Variants in DENND1A observed in about 807,000 individuals in gnomAD.
The protein encoded by DENND1A is DENN domain-containing protein 1A.
In DENND1A, 51 loss-of-function variants were observed where a neutral mutation model predicts 113.7. The observed-to-expected ratio is 0.45, with a 90% confidence interval of 0.36 to 0.57. The LOEUF (loss-of-function observed/expected upper bound fraction) is 0.57, where lower values mean the gene tolerates loss of function less well. Ranked by LOEUF, DENND1A falls within the 20% of genes least tolerant of loss-of-function variation. DENND1A has a pLI of 0.00. For synonymous variants in DENND1A, 565 were observed against 570.8 expected, an observed-to-expected ratio of 0.99 and a Z score of 0.14; for missense variants, 1,258 against 1,395.9, an observed-to-expected ratio of 0.90 and a Z score of 1.57.
At position 123,382,505 on chromosome 9, in the gene DENND1A, G is replaced by T; in HGVS notation, c.2140C>A (p.Pro714Thr). The T allele has an allele frequency of 6.2e-7, 1 of 1,613,988 alleles. No individual in the cohort carries two copies. The highest frequency in any genetic ancestry group is 1.1e-5 in the South Asian group (1 of 91,086). ...QDDMAIPSKP[P>T]AASPEKPSAL... Reference sequence around the variant, plus strand: ...GAGGGCTTCTCAGGGGAGGCAGCTGGGGGCTTGCTGGGGATGGCCATGTCG... The same window carrying T: ...GAGGGCTTCTCAGGGGAGGCAGCTGTGGGCTTGCTGGGGATGGCCATGTCG... The change falls in exon 24 of 24, where the codon CCA (proline) becomes ACA (threonine). Residue 714 changes from proline (P) to threonine (T), a missense_variant. Physicochemically the swap from Pro to Thr is conservative, Grantham distance 38. Transcript: ENST00000394215.
intron 5 of DENND1A, among the ~76,000 whole-genome samples, chr9:123,689,913 C>T (rs555847163): frequency 2.0e-5 from 3 of 151,804 alleles, no homozygotes; most frequent in African/African-American, 7.3e-5. Flanking sequence ...GGCTTGAGTC[C>T]AAGAGTTGGA....
intron 1 of DENND1A, among the ~76,000 whole-genome samples, chr9:123,904,309 G>A (rs754652955): frequency 0.081 from 12,257 of 151,296 alleles, 1,028 homozygotes; most frequent in African/African-American, 0.22. Context: ...AACGCAGAGC[G>A]TCTCTCCTCC....
intron 13 of DENND1A, among the ~76,000 whole-genome samples, chr9:123,545,084 C>A (rs572612482): frequency 2.7e-5 from 4 of 149,816 alleles, no homozygotes; most frequent in African/African-American, 9.9e-5. Flanking sequence ...GGCGACAGAG[C>A]AAGACTCCGT....
chr9:123,546,251 T>C (rs2056669782), intron 13 of DENND1A, among the ~76,000 whole-genome samples: 1 of 152,042 alleles, frequency 6.6e-6, no homozygotes, highest in African/African-American at 2.4e-5. Context: ...GCTGATACGT[T>C]TTAAAACTAA....
At chr9:123,458,303 C>T (rs960684424) in intron 13 of DENND1A, among the ~76,000 whole-genome samples, 75 of 152,136 alleles carry the variant, frequency 4.9e-4, no homozygotes, top group African/African-American at 1.7e-3. Context: ...GCCTGGCCCC[C>T]ATCTGCTAAC....
At chr9:123,817,156 T>G in intron 2 of DENND1A, among the ~76,000 whole-genome samples, 1 of 152,114 alleles carries the variant, frequency 6.6e-6, no homozygotes, top group East Asian at 1.9e-4. Flanking sequence ...GCCTAGATGA[T>G]CTCCATGGTC....
At chr9:123,413,492 C>T in intron 19 of DENND1A, 1 of 985,428 alleles carries the variant, frequency 1.0e-6, no homozygotes, top group South Asian at 4.7e-5. Flanking sequence ...TTTTCTGAAC[C>T]TGCCCCACTA....
At chr9:123,581,979 G>C (rs540260519) in intron 12 of DENND1A, among the ~76,000 whole-genome samples, 1 of 152,230 alleles carries the variant, frequency 6.6e-6, no homozygotes, top group Non-Finnish European at 1.5e-5. Flanking sequence ...GCTCCAAGTA[G>C]CAACAGAAGA....
intron 5 of DENND1A, among the ~76,000 whole-genome samples, chr9:123,683,653 T>A (rs2064615909): frequency 6.6e-6 from 1 of 152,194 alleles, no homozygotes; most frequent in Non-Finnish European, 1.5e-5. Flanking sequence ...TATGAAGACC[T>A]CCTGGGCTTA....
rs569384028 is a variant in DENND1A, at chr9:123,719,664, A to G, written c.302+38039T>C. Reference sequence around the variant, plus strand: ...TTTTTTTTAATTTTGAAGTATTTGCATATATAGAGCAAGATAATCCTGAGG... The same window carrying G: ...TTTTTTTTAATTTTGAAGTATTTGCGTATATAGAGCAAGATAATCCTGAGG... On this transcript the variant is annotated intron_variant, in intron 5 of 23. Transcript: ENST00000394215. 6.6e-5 allele frequency among the ~76,000 whole-genome samples: 10 copies of G among 152,186 alleles called. No individual in the cohort carries two copies. The East Asian group carries it at 1.3e-3, about 21-fold the overall frequency.
intron 1 of DENND1A, among the ~76,000 whole-genome samples, chr9:123,918,284 C>G (rs1388946951): frequency 6.6e-6 from 1 of 150,550 alleles, no homozygotes; most frequent in Non-Finnish European, 1.5e-5. Flanking sequence ...GTCAGGAGAT[C>G]GAGACCATCC....
At chr9:123,586,594 G>A (rs2059175953) in intron 11 of DENND1A, among the ~76,000 whole-genome samples, 2 of 152,164 alleles carry the variant, frequency 1.3e-5, no homozygotes, top group South Asian at 4.1e-4. Context: ...CTGCCCTCCT[G>A]GTGGCAAGGC....
chr9:123,878,748 G>A (rs183773129), intron 2 of DENND1A, among the ~76,000 whole-genome samples: 3 of 152,266 alleles, frequency 2.0e-5, no homozygotes, highest in East Asian at 3.9e-4. Context: ...AGCCTATTAT[G>A]CTTGAACTCT....
rs141577144 is a variant in DENND1A at position 123,682,252 on chromosome 9, T to C, written c.303-5463A>G. Among the ~76,000 whole-genome samples, 812 of 152,322 alleles carry C rather than the reference T, an allele frequency of 5.3e-3. 8 individuals are homozygous for C. The highest frequency in any genetic ancestry group is 0.019 in the African/African-American group (772 of 41,574). ...ATAAAAGTAATTTGCAATAAAATTT[T>C]AGGATGTAACACTCAGGCACCATTA... On this transcript the variant is annotated intron_variant, in intron 5 of 23. Transcript: ENST00000394215.
chr9:123,693,511 T>A (rs1162169171), intron 5 of DENND1A, among the ~76,000 whole-genome samples: 1 of 152,102 alleles, frequency 6.6e-6, no homozygotes, highest in East Asian at 1.9e-4. Flanking sequence ...CCTATTCCTA[T>A]AATTTCGCTT....
intron 11 of DENND1A, among the ~76,000 whole-genome samples, chr9:123,588,767 T>A (rs904702504): frequency 7.5e-6 from 1 of 133,252 alleles, no homozygotes; most frequent in Non-Finnish European, 1.6e-5. Flanking sequence ...GAAATAATTC[T>A]ATTTTGTTTT....
At chr9:123,396,480 G>A (rs775751776) in intron 21 of DENND1A, among the ~76,000 whole-genome samples, 1 of 152,278 alleles carries the variant, frequency 6.6e-6, no homozygotes, top group Non-Finnish European at 1.5e-5. Context: ...TAGGCTCGAG[G>A]AGGGCAAGGC....
rs1295256697 is a variant in DENND1A at position 123,835,669 on chromosome 9, A to G, written c.89-43039T>C. Among the ~76,000 whole-genome samples the G allele has an allele frequency of 3.4e-5, 5 of 145,466 alleles. No individual in the cohort carries two copies. The East Asian group carries it at 7.7e-4, about 22-fold the overall frequency. Reference sequence around the variant, plus strand: ...TCCTCTTGATTTCCAGGAAAAAAAAAAAAAAAAGAAAAAACCTGAGTACCT... The same window carrying G: ...TCCTCTTGATTTCCAGGAAAAAAAAGAAAAAAAGAAAAAACCTGAGTACCT... On this transcript the variant is annotated intron_variant, in intron 2 of 23. Coordinates refer to ENST00000394215, the MANE Select transcript of DENND1A (RefSeq NM_001352964.2).
chr9:123,695,312 C>T (rs1453159688), intron 5 of DENND1A, among the ~76,000 whole-genome samples: 1 of 151,994 alleles, frequency 6.6e-6, no homozygotes, highest in Admixed American at 6.6e-5. Flanking sequence ...GTTAAAAGTC[C>T]ATACGCTAAA....
Sources: gnomAD v4.1 joint callset for allele counts (sites outside exome capture counted in the v4.1 genomes callset) on GRCh38, gnomAD v4.1.1 for gene constraint, MANE v1.5 for transcripts, NCBI Gene and HGNC (gene_info 2026-07-23, HGNC 2026-07-21) for gene names.